Variants in UQCC1 observed in about 807,000 individuals in gnomAD.
The protein encoded by UQCC1 is ubiquinol-cytochrome c reductase complex assembly factor 1, also known as bFGF-repressed Zic-binding protein.
A neutral mutation model predicts 48.0 loss-of-function variants in UQCC1; 38 were observed. The ratio of observed to expected loss-of-function variants is 0.79; its 90% CI spans 0.61 to 1.04. UQCC1 has a LOEUF of 1.04. Among genes scored for constraint, UQCC1 ranks in the 50% least tolerant of loss-of-function variants. The probability of loss-of-function intolerance (pLI) is 0.00; values close to 1 mark genes in which losing one functional copy is unlikely to be tolerated. For missense variants in UQCC1, 368 were observed against 381.8 expected, an observed-to-expected ratio of 0.96 and a Z score of 0.30; for synonymous variants, 111 against 129.2, an observed-to-expected ratio of 0.86 and a Z score of 0.95.
chr20:35,349,145 C>A (rs1236047359), intron 6 of UQCC1, among the ~76,000 whole-genome samples: 1 of 152,178 alleles, frequency 6.6e-6, no homozygotes, highest in Non-Finnish European at 1.5e-5. Flanking sequence ...ATGATTACAG[C>A]TTGGCCTGTC....
intron 4 of UQCC1, among the ~76,000 whole-genome samples, chr20:35,378,455 C>A (rs975664241): frequency 6.6e-6 from 1 of 151,954 alleles, no homozygotes; most frequent in Non-Finnish European, 1.5e-5. Context: ...TATGATGAAA[C>A]CTCATCTCTA....
chr20:35,391,458 T>A (rs1372976047), intron 2 of UQCC1, among the ~76,000 whole-genome samples: 1 of 152,034 alleles, frequency 6.6e-6, no homozygotes, highest in East Asian at 1.9e-4. Context: ...ACCCCGTCTC[T>A]ACTAAAAATA....
chr20:35,350,205 G>A (rs2061475192), intron 6 of UQCC1, among the ~76,000 whole-genome samples: 1 of 152,130 alleles, frequency 6.6e-6, no homozygotes, highest in African/African-American at 2.4e-5. Context: ...ATAGCCCACT[G>A]TAACTTCAAA....
intron 1 of UQCC1, among the ~76,000 whole-genome samples, chr20:35,404,180 G>T (rs2062212243): frequency 6.6e-6 from 1 of 152,036 alleles, no homozygotes; most frequent in African/African-American, 2.4e-5. Flanking sequence ...AGGAGATCGA[G>T]ACCACGGTGA....
intron 1 of UQCC1, among the ~76,000 whole-genome samples, chr20:35,406,279 A>G (rs2146546704): frequency 6.6e-6 from 1 of 152,292 alleles, no homozygotes; most frequent in East Asian, 1.9e-4. Context: ...CTAACTCCAA[A>G]TAGGATAAAC....
At position 35,328,790 on chromosome 20, in the gene UQCC1, G is replaced by A. The variant is rs2061226018; in HGVS notation, c.574-14025C>T. Among the ~76,000 whole-genome samples, 3 of 152,244 alleles carry A rather than the reference G, an allele frequency of 2.0e-5. No individual in the cohort carries two copies. In the East Asian group the frequency reaches 5.8e-4, roughly 29 times the overall value. ...CCCATTACACTCAGCCCTGCCCTGG[G>A]ATAACTCCTGGAAGAAGCCTGCAGT... On this transcript the variant is annotated intron_variant, in intron 7 of 9. Coordinates refer to ENST00000374385, the MANE Select transcript of UQCC1 (RefSeq NM_018244.5).
chr20:35,345,024 G>C (rs2061418054), intron 7 of UQCC1: 1 of 152,292 alleles, frequency 6.6e-6, no homozygotes, highest in South Asian at 2.1e-4. Flanking sequence ...TAGCTGAACA[G>C]GTGGAGGTTT....
intron 6 of UQCC1, among the ~76,000 whole-genome samples, chr20:35,360,769 AC>A: frequency 6.6e-6 from 1 of 152,158 alleles, no homozygotes; most frequent in Non-Finnish European, 1.5e-5. Context: ...CTCCCAGGAC[AC>A]AGATAGTGAG....
At position 35,411,955 on chromosome 20, in the gene UQCC1, C is replaced by A. The variant is rs142770442; in HGVS notation, c.9G>T (p.Leu3Phe). 1.2e-6 allele frequency: 2 copies of A among 1,614,132 alleles called. No individual in the cohort carries two copies. Among genetic ancestry groups the A allele is most frequent in the African/African-American group, 2.7e-5 (2 of 74,958 alleles). Residue 3 changes from leucine to phenylalanine, a missense_variant, in exon 1 of 10, where the codon TTG becomes TTT. Transcript: ENST00000374385. ...CTTCACTCACAAGGACTCGCACCAG[C>A]AACGCCATGTTCCTCAATAACCATT... is the stretch of plus-strand genomic sequence containing the variant. MA[L>F]LVRVLRNQTS...
In UQCC1 at chr20:35,324,577, T is replaced by C. The variant is rs529095597; in HGVS notation, c.574-9812A>G. Among the ~76,000 whole-genome samples the C allele has an allele frequency of 3.3e-3, 498 of 152,168 alleles. 1 individual carries two copies. The highest frequency in any genetic ancestry group is 0.012 in the African/African-American group (478 of 41,528). On this transcript the variant is annotated intron_variant, in intron 7 of 9. Coordinates refer to ENST00000374385, the MANE Select transcript of UQCC1 (RefSeq NM_018244.5). Reference sequence around the variant, plus strand: ...TCCTGACCTTGTGATCTGCCCGCCTTGGCCTCCCAAAGTGCTGGGATTACA... The same window carrying C: ...TCCTGACCTTGTGATCTGCCCGCCTCGGCCTCCCAAAGTGCTGGGATTACA...
intron 6 of UQCC1, among the ~76,000 whole-genome samples, chr20:35,350,773 G>A (rs970066326): frequency 6.6e-6 from 1 of 151,796 alleles, no homozygotes; most frequent in South Asian, 2.1e-4. Flanking sequence ...AGGCGCAGTG[G>A]CTCACACCTG....
At chr20:35,401,005 A>G (rs1324389435) in intron 1 of UQCC1, among the ~76,000 whole-genome samples, 1 of 152,204 alleles carries the variant, frequency 6.6e-6, no homozygotes, top group Non-Finnish European at 1.5e-5. Context: ...CTAGAAAACA[A>G]TTTACAGGTG....
At chr20:35,318,025 G>A (rs1027555796) in intron 7 of UQCC1, among the ~76,000 whole-genome samples, 6 of 152,146 alleles carry the variant, frequency 3.9e-5, no homozygotes, top group African/African-American at 1.2e-4. Flanking sequence ...ACCCATACTT[G>A]GAGGATCTCC....
At chr20:35,311,939 T>C (rs972557013) in intron 8 of UQCC1, among the ~76,000 whole-genome samples, 3 of 152,162 alleles carry the variant, frequency 2.0e-5, no homozygotes, top group Non-Finnish European at 1.5e-5. Flanking sequence ...GATAAAGATT[T>C]AGATTTTAAA....
At chr20:35,379,865 C>T (rs184067058) in intron 4 of UQCC1, among the ~76,000 whole-genome samples, 16 of 152,190 alleles carry the variant, frequency 1.1e-4, no homozygotes, top group Admixed American at 6.5e-4. Context: ...TACACACCAT[C>T]ACATCACAAG....
At chr20:35,382,977 T>A (rs2061894718) in intron 3 of UQCC1, among the ~76,000 whole-genome samples, 1 of 152,110 alleles carries the variant, frequency 6.6e-6, no homozygotes, top group Non-Finnish European at 1.5e-5. Flanking sequence ...ATAAAAGTTC[T>A]ATCAAAAAGA....
intron 4 of UQCC1, among the ~76,000 whole-genome samples, chr20:35,380,014 C>T (rs2061847647): frequency 6.6e-6 from 1 of 152,076 alleles, no homozygotes; most frequent in Admixed American, 6.6e-5. Context: ...AATTTTCTCT[C>T]TAGAATCATT....
intron 1 of UQCC1, 83 bp from the exon 2 acceptor site, chr20:35,394,279 A>C: frequency 8.4e-7 from 1 of 1,187,906 alleles, no homozygotes. Flanking sequence ...GTGATACTGT[A>C]ATATAATTAG....
chr20:35,387,102 C>T (rs2061953585), intron 2 of UQCC1, among the ~76,000 whole-genome samples: 1 of 151,504 alleles, frequency 6.6e-6, no homozygotes, highest in East Asian at 1.9e-4. Flanking sequence ...CATGGCAAAC[C>T]ACCATCTCTA....
Sources: allele counts gnomAD v4.1 joint callset (sites outside exome capture counted in the v4.1 genomes callset), GRCh38; gene constraint gnomAD v4.1.1; transcripts MANE v1.5; gene names NCBI Gene and HGNC (gene_info 2026-07-23, HGNC 2026-07-21).